Variants in CCDC102B observed in about 807,000 individuals in gnomAD.
CCDC102B encodes the protein coiled-coil domain-containing protein 102B.
Under a neutral mutation model 57.4 loss-of-function variants are expected in CCDC102B, and 75 were observed. The ratio of observed to expected loss-of-function variants is 1.31; its 90% confidence interval spans 1.08 to 1.58. The LOEUF (loss-of-function observed/expected upper bound fraction) is 1.58. CCDC102B is among the 40% of genes most tolerant of loss of function. CCDC102B has a pLI of 0.00. For synonymous variants in CCDC102B, 206 were observed against 201.9 expected (o/e 1.02, Z -0.17); for missense variants, 636 against 582.6 (o/e 1.09, Z -0.94).
Position 68,891,000 on chromosome 18 carries a change from G to A in CCDC102B, c.1054-6219G>A, listed in dbSNP as rs567907706. Among the ~76,000 whole-genome samples the A allele has an allele frequency of 5.3e-5, 8 of 152,242 alleles. No individual in the cohort carries two copies. The South Asian group carries it at 1.7e-3, about 32-fold the overall frequency. ...AGAATTACTGGTTCATAATGTAGCT[G>A]TAAATGTTTTATTTTTAGAAAACTG... On this transcript the variant is annotated intron_variant, in intron 5 of 7. Transcript: ENST00000360242.
intron 6 of CCDC102B, among the ~76,000 whole-genome samples, chr18:68,996,444 G>A (rs1299715304): frequency 3.3e-5 from 5 of 152,106 alleles, no homozygotes; most frequent in East Asian, 3.9e-4. Flanking sequence ...GTTGACAGAC[G>A]GCCTATTGGG....
chr18:68,847,272 C>A (rs1216115980), intron 4 of CCDC102B, among the ~76,000 whole-genome samples: 2 of 151,598 alleles, frequency 1.3e-5, no homozygotes, highest in African/African-American at 4.8e-5. Context: ...GTATGGCGTT[C>A]ACAATACATT....
chr18:68,875,493 A>G (rs2144934519), intron 5 of CCDC102B, among the ~76,000 whole-genome samples: 1 of 152,316 alleles, frequency 6.6e-6, no homozygotes, highest in East Asian at 1.9e-4. Context: ...GTGTAAGAGC[A>G]ATTTACAGAC....
chr18:68,999,940 G>A (rs2051155604), intron 6 of CCDC102B, among the ~76,000 whole-genome samples: 1 of 152,174 alleles, frequency 6.6e-6, no homozygotes, highest in Admixed American at 6.5e-5. Flanking sequence ...ACTTGCTTGA[G>A]AGTGGAGAAA....
chr18:68,795,656 T>C (rs952175330), upstream of CCDC102B, among the ~76,000 whole-genome samples: 1 of 152,172 alleles, frequency 6.6e-6, no homozygotes, highest in African/African-American at 2.4e-5. Flanking sequence ...CCTCTTCTTA[T>C]GAGGATACAA....
intron 2 of CCDC102B, among the ~76,000 whole-genome samples, chr18:68,789,060 A>G (rs1394953135): frequency 6.6e-6 from 1 of 152,242 alleles, no homozygotes; most frequent in East Asian, 1.9e-4. Context: ...GCTTATCTGT[A>G]AAGTATTTTA....
chr18:69,049,062 T>C (rs4891722), intron 7 of CCDC102B, among the ~76,000 whole-genome samples: 127,641 of 151,416 alleles, frequency 0.84, 55,435 homozygotes, highest in Non-Finnish European at 0.96. Context: ...TTATTATACT[T>C]TAAGTTCTGG....
At chr18:69,002,756 G>A (rs966010871) in intron 6 of CCDC102B, among the ~76,000 whole-genome samples, 6 of 151,936 alleles carry the variant, frequency 3.9e-5, no homozygotes, top group African/African-American at 1.2e-4. Flanking sequence ...TAGAAACGAC[G>A]TATACTTCAC....
At chr18:68,717,517 G>A (rs1568214590) in intron 2 of CCDC102B, among the ~76,000 whole-genome samples, 1 of 151,918 alleles carries the variant, frequency 6.6e-6, no homozygotes, top group Non-Finnish European at 1.5e-5. Context: ...TTACATTTCC[G>A]TTGCACATCA....
At chr18:68,851,778 G>A (rs942263679) in intron 4 of CCDC102B, among the ~76,000 whole-genome samples, 2 of 152,076 alleles carry the variant, frequency 1.3e-5, no homozygotes, top group African/African-American at 4.8e-5. Context: ...AATGATAAAA[G>A]TAGACTAAAA....
intron 5 of CCDC102B, among the ~76,000 whole-genome samples, chr18:68,896,699 T>A (rs1399023291): frequency 3.3e-5 from 5 of 151,900 alleles, no homozygotes; most frequent in African/African-American, 9.7e-5. Flanking sequence ...TTATATATAT[T>A]TTTTCAATAT....
intron 6 of CCDC102B, among the ~76,000 whole-genome samples, chr18:68,973,827 A>G (rs1448576359): frequency 6.6e-6 from 1 of 152,082 alleles, no homozygotes; most frequent in African/African-American, 2.4e-5. Context: ...AATATGGCAA[A>G]TATGGTGATT....
intron 2 of CCDC102B, among the ~76,000 whole-genome samples, chr18:68,765,321 G>A (rs749235187): frequency 0.014 from 614 of 45,050 alleles, 4 homozygotes; most frequent in African/African-American, 0.028. Context: ...AGGAAGGAAG[G>A]AAGGAAAGAA....
chr18:68,758,131 C>T lies in CCDC102B; in HGVS notation c.-67+41537C>T, dbSNP rs478110. On this transcript the variant is annotated intron_variant, in intron 2 of 3. Coordinates refer to the CCDC102B transcript ENST00000578970. ...ACATTTTCATTTTATTTAAGGTATA[C>T]AAAATTGATTTTGATACTTGAAGCT... Among the ~76,000 whole-genome samples the T allele has an allele frequency of 5.9e-3, 890 of 151,758 alleles. 7 individuals are homozygous for T. Among genetic ancestry groups the T allele is most frequent in the East Asian group, 0.044 (225 of 5,154 alleles).
intron 7 of CCDC102B, among the ~76,000 whole-genome samples, chr18:69,011,375 TGTG>T: frequency 6.6e-6 from 1 of 151,758 alleles, no homozygotes; most frequent in Non-Finnish European, 1.5e-5. Flanking sequence ...TGTGTGTGTG[TGTG>T]TGTGTGTGTG....
At chr18:68,717,072 G>C (rs901144656) in intron 2 of CCDC102B, among the ~76,000 whole-genome samples, 2 of 141,550 alleles carry the variant, frequency 1.4e-5, no homozygotes, top group African/African-American at 5.3e-5. Context: ...GCAAGACTCT[G>C]TTTCAAAAAA....
At chr18:68,777,874 T>C (rs936321783) in intron 2 of CCDC102B, among the ~76,000 whole-genome samples, 4 of 152,168 alleles carry the variant, frequency 2.6e-5, no homozygotes, top group African/African-American at 7.2e-5. Context: ...GACAAGTATA[T>C]TGCAATGAAT....
intron 4 of CCDC102B, among the ~76,000 whole-genome samples, chr18:68,864,118 C>T (rs2038873629): frequency 6.6e-6 from 1 of 151,862 alleles, no homozygotes; most frequent in Non-Finnish European, 1.5e-5. Flanking sequence ...TTATTTTTGC[C>T]TCTCTTTATT....
intron 6 of CCDC102B, among the ~76,000 whole-genome samples, chr18:68,991,430 G>A (rs2050865304): frequency 6.6e-6 from 1 of 152,204 alleles, no homozygotes; most frequent in African/African-American, 2.4e-5. Flanking sequence ...TAGAGAGAAT[G>A]CTGGAGACTT....
Sources: gnomAD v4.1 joint callset for allele counts (sites outside exome capture counted in the v4.1 genomes callset) on GRCh38, gnomAD v4.1.1 for gene constraint, MANE v1.5 for transcripts, NCBI Gene and HGNC (gene_info 2026-07-23, HGNC 2026-07-21) for gene names.